The following IL7 variants were observed in gnomAD, a reference collection of about 807,000 sequenced individuals.
The protein encoded by IL7 is interleukin 7, also known as interleukin-7.
In IL7, 3 loss-of-function variants were observed where a neutral mutation model predicts 21.6. The observed-to-expected ratio is 0.14, with a 90% CI of 0.06 to 0.36. The LOEUF (loss-of-function observed/expected upper bound fraction) is 0.36. Ranked by LOEUF, IL7 falls within the 10% of genes least tolerant of loss-of-function variation. IL7 has a pLI of 1.00. For missense variants in IL7, 175 were observed against 200.2 expected (o/e 0.87, Z 0.76); for synonymous variants, 62 against 68.1 (o/e 0.91, Z 0.44).
At position 78,745,052 on chromosome 8, in the gene IL7, C is replaced by CT. The variant is rs1811932923; in HGVS notation, c.148-4971dup. 2.0e-5 allele frequency among the ~76,000 whole-genome samples: 3 copies of CT among 152,326 alleles called. No individual in the cohort carries two copies. In the South Asian group the frequency reaches 6.2e-4, roughly 32 times the overall value. ...GTGGAAGGTGCTGTATTTACTCGCC[C>CT]TTTTGTCCCTCTTTGTGAGAGCCAC... is the stretch of plus-strand genomic sequence containing the variant. On this transcript the variant is annotated intron_variant, in intron 2 of 5. Coordinates refer to ENST00000263851, the MANE Select transcript of IL7 (RefSeq NM_000880.4).
rs1812935476 is a variant in IL7, at chr8:78,771,144, C to T, written c.147+26928G>A. ...CAGAAAGTGTTTTCCTAGCTGTTTCCTGGCTGTTGGAGCTCCAAAACCTCC... is the reference window on the plus strand; with the variant it reads ...CAGAAAGTGTTTTCCTAGCTGTTTCTTGGCTGTTGGAGCTCCAAAACCTCC... On this transcript the variant is annotated intron_variant, in intron 2 of 5. Coordinates refer to ENST00000263851, the MANE Select transcript of IL7 (RefSeq NM_000880.4). Among the ~76,000 whole-genome samples the T allele has an allele frequency of 2.7e-5, 4 of 150,938 alleles. No homozygotes were observed. In the South Asian group the frequency reaches 8.3e-4, roughly 31 times the overall value.
chr8:78,728,105 A>T (rs1341193809), downstream of IL7, among the ~76,000 whole-genome samples: 1 of 152,032 alleles, frequency 6.6e-6, no homozygotes, highest in Non-Finnish European at 1.5e-5. Flanking sequence ...ACTATAAAAC[A>T]CTAAGGAAAG....
chr8:78,699,695 C>G (rs1249120453), intron 3 of IL7, among the ~76,000 whole-genome samples: 1 of 152,072 alleles, frequency 6.6e-6, no homozygotes, highest in African/African-American at 2.4e-5. Context: ...ATTTAGCTTC[C>G]ACTTATAAGT....
chr8:78,680,543 G>T (rs1040030901), intron 4 of IL7, among the ~76,000 whole-genome samples: 1 of 152,190 alleles, frequency 6.6e-6, no homozygotes, highest in Non-Finnish European at 1.5e-5. Context: ...AATGTTGTAA[G>T]TGTAGTTCTT....
At chr8:78,690,228 C>A (rs1810162680) in intron 3 of IL7, among the ~76,000 whole-genome samples, 1 of 152,138 alleles carries the variant, frequency 6.6e-6, no homozygotes, top group Non-Finnish European at 1.5e-5. Context: ...GCCTTAAAAT[C>A]AAGTAGTCTA....
downstream of IL7, among the ~76,000 whole-genome samples, chr8:78,730,667 T>G (rs1811410445): frequency 6.6e-6 from 1 of 151,974 alleles, no homozygotes; most frequent in African/African-American, 2.4e-5. Flanking sequence ...AATGGCACAA[T>G]GCAGTTCCTG....
At chr8:78,766,695 A>G (rs1187091601) in intron 2 of IL7, among the ~76,000 whole-genome samples, 1 of 152,162 alleles carries the variant, frequency 6.6e-6, no homozygotes, top group Non-Finnish European at 1.5e-5. Context: ...TGTGTTCCAC[A>G]AATTATTCAA....
At chr8:78,713,076 C>T (rs1810998715), downstream of IL7, among the ~76,000 whole-genome samples, 1 of 152,116 alleles carries the variant, frequency 6.6e-6, no homozygotes, top group Admixed American at 6.6e-5. Flanking sequence ...GCAGATCTCA[C>T]AGTAACAGTG....
At chr8:78,681,517 A>G (rs557649015) in intron 4 of IL7, among the ~76,000 whole-genome samples, 9 of 152,308 alleles carry the variant, frequency 5.9e-5, no homozygotes, top group African/African-American at 1.9e-4. Flanking sequence ...AGAGAAGTAG[A>G]TAATGTCATT....
chr8:78,676,227 A>C (rs1320503574), intron 4 of IL7: 1 of 156,368 alleles, frequency 6.4e-6, no homozygotes, highest in Non-Finnish European at 1.4e-5. Context: ...TTCAGGAAAA[A>C]ATCAGGGATA....
intron 1 of IL7, 73 bp from the exon 2 acceptor site, chr8:78,798,281 CT>C: frequency 2.0e-6 from 2 of 1,004,734 alleles, no homozygotes; most frequent in Non-Finnish European, 2.9e-6. Flanking sequence ...TTTCAATGGA[CT>C]GGACCACTAA....
chr8:78,712,019 G>C, intron 3 of IL7: 2 of 1,289,572 alleles, frequency 1.6e-6, no homozygotes, highest in Non-Finnish European at 1.0e-6. Flanking sequence ...CCTCCACTTC[G>C]AACGGGAAGA....
chr8:78,699,398 T>G (rs1810528025), intron 3 of IL7, among the ~76,000 whole-genome samples: 1 of 152,162 alleles, frequency 6.6e-6, no homozygotes, highest in South Asian at 2.1e-4. Context: ...AGAATGAAGG[T>G]GTATGTCTAT....
chr8:78,788,534 C>G (rs1195987309), intron 2 of IL7, among the ~76,000 whole-genome samples: 2 of 152,036 alleles, frequency 1.3e-5, no homozygotes, highest in East Asian at 1.9e-4. Context: ...AATTTTCCAC[C>G]TATTTTTCTT....
chr8:78,753,812 C>A (rs887144409), intron 2 of IL7, among the ~76,000 whole-genome samples: 2 of 152,086 alleles, frequency 1.3e-5, no homozygotes, highest in African/African-American at 2.4e-5. Context: ...GTTTTCCCAG[C>A]GCCATTTATT....
chr8:78,716,711 G>A (rs1000719095), downstream of IL7, among the ~76,000 whole-genome samples: 1 of 152,104 alleles, frequency 6.6e-6, no homozygotes, highest in South Asian at 2.1e-4. Context: ...CAGATGGAAA[G>A]CGATGTGGTT....
chr8:78,727,633 C>A (rs746283730), intron 3 of IL7, among the ~76,000 whole-genome samples: 11 of 151,886 alleles, frequency 7.2e-5, no homozygotes, highest in Admixed American at 1.3e-4. Flanking sequence ...GTGACAAACT[C>A]CTGAGAAATA....
chr8:78,800,006 T>C (rs746889122), intron 1 of IL7, among the ~76,000 whole-genome samples: 10 of 152,224 alleles, frequency 6.6e-5, no homozygotes, highest in Non-Finnish European at 1.3e-4. Flanking sequence ...GTCTGGGCTT[T>C]AGTGTATCTA....
intron 3 of IL7, among the ~76,000 whole-genome samples, chr8:78,695,443 G>C (rs1006123896): frequency 6.6e-6 from 1 of 152,164 alleles, no homozygotes; most frequent in African/African-American, 2.4e-5. Flanking sequence ...CTCTCAATAT[G>C]TAATAGGCCA....
Sources: allele counts gnomAD v4.1 joint callset (sites outside exome capture counted in the v4.1 genomes callset), GRCh38; gene constraint gnomAD v4.1.1; transcripts MANE v1.5; gene names NCBI Gene and HGNC (gene_info 2026-07-23, HGNC 2026-07-21).